PRKCH: variants seen among roughly 807,000 people sequenced by gnomAD.
PRKCH encodes protein kinase C eta, also known as protein kinase C eta type.
PRKCH carries 28 observed loss-of-function variants against 82.5 expected under a neutral mutation model. The ratio of observed to expected loss-of-function variants is 0.34; its 90% CI spans 0.25 to 0.47. The LOEUF (loss-of-function observed/expected upper bound fraction) is 0.47. PRKCH is among the 20% of genes least tolerant of loss of function. PRKCH has a pLI of 1.00. For synonymous variants in PRKCH, 322 were observed against 327.4 expected (o/e 0.98, Z 0.18); for missense variants, 705 against 881.8 (o/e 0.80, Z 2.54).
rs140504030 is a variant in PRKCH at position 61,485,974 on chromosome 14, C to T, written c.1433+318C>T. ...TAGAGACAGGGGTCTTGCAATGTTG[C>T]CCAGGCTTCACAAAGGTTCCAAGGA... On this transcript the variant is annotated intron_variant, in intron 10 of 13. Transcript: ENST00000332981. 2.0e-3 allele frequency among the ~76,000 whole-genome samples: 298 copies of T among 152,120 alleles called. 4 individuals carry two copies. The highest frequency in any genetic ancestry group is 6.8e-3 in the African/African-American group (281 of 41,528).
intron 9 of PRKCH, among the ~76,000 whole-genome samples, chr14:61,461,448 G>A (rs1885023386): frequency 6.6e-6 from 1 of 152,178 alleles, no homozygotes; most frequent in Non-Finnish European, 1.5e-5. Flanking sequence ...CATGAGTCAA[G>A]CCGCAGAGCC....
intron 10 of PRKCH, among the ~76,000 whole-genome samples, chr14:61,508,754 A>G (rs1887257605): frequency 6.6e-6 from 1 of 152,124 alleles, no homozygotes; most frequent in African/African-American, 2.4e-5. Flanking sequence ...GATGAAAAAC[A>G]TGGATAAGAT....
At chr14:61,444,439 T>C (rs10144353) in intron 3 of PRKCH, among the ~76,000 whole-genome samples, 110,786 of 152,002 alleles carry the variant, frequency 0.73, 45,608 homozygotes, top group Non-Finnish European at 0.91. Flanking sequence ...TTTCTGTTTC[T>C]TTTACATGAC....
intron 2 of PRKCH, among the ~76,000 whole-genome samples, chr14:61,441,304 C>T (rs1242444483): frequency 6.6e-6 from 1 of 152,036 alleles, no homozygotes; most frequent in Admixed American, 6.6e-5. Context: ...AAGAAGGGGC[C>T]ACCTGATTTC....
At chr14:61,531,483 A>C (rs1000952905) in intron 12 of PRKCH, among the ~76,000 whole-genome samples, 5 of 152,238 alleles carry the variant, frequency 3.3e-5, no homozygotes, top group Non-Finnish European at 5.9e-5. Context: ...AATATTTGCT[A>C]TCTTGTTGAA....
At chr14:61,362,964 G>A (rs999757789) in intron 1 of PRKCH, among the ~76,000 whole-genome samples, 3 of 152,206 alleles carry the variant, frequency 2.0e-5, no homozygotes, top group Admixed American at 6.5e-5. Context: ...GGAGGTTAGG[G>A]CAAGACTTCC....
chr14:61,489,471 C>T (rs1343387738), intron 10 of PRKCH, among the ~76,000 whole-genome samples: 1 of 152,218 alleles, frequency 6.6e-6, no homozygotes, highest in African/African-American at 2.4e-5. Flanking sequence ...GCACGCATTC[C>T]GTCTTGTGTT....
chr14:61,456,380 A>C (rs1036585309), intron 7 of PRKCH, among the ~76,000 whole-genome samples: 3 of 152,318 alleles, frequency 2.0e-5, no homozygotes, highest in Non-Finnish European at 4.4e-5. Context: ...AAAAGGGGAG[A>C]TGCCTCATCC....
At chr14:61,331,485 C>G (rs988121845) in intron 1 of PRKCH, among the ~76,000 whole-genome samples, 1 of 152,140 alleles carries the variant, frequency 6.6e-6, no homozygotes, top group Non-Finnish European at 1.5e-5. Context: ...CGAGCTGCTG[C>G]TCCTCAGCCT....
At chr14:61,486,466 G>T (rs553781556) in intron 10 of PRKCH, among the ~76,000 whole-genome samples, 19 of 152,084 alleles carry the variant, frequency 1.2e-4, no homozygotes, top group Non-Finnish European at 2.4e-4. Flanking sequence ...AATGGACTCC[G>T]AATCTGCTTG....
chr14:61,333,202 C>T (rs3783814), intron 1 of PRKCH, among the ~76,000 whole-genome samples: 81,729 of 152,100 alleles, frequency 0.54, 25,782 homozygotes, highest in Non-Finnish European at 0.69. Context: ...CCATCTAAAT[C>T]AGTGCTTTTG....
chr14:61,226,861 C>A (rs190384321), intron 1 of PRKCH, among the ~76,000 whole-genome samples: 5 of 152,244 alleles, frequency 3.3e-5, no homozygotes, highest in Non-Finnish European at 7.4e-5. Flanking sequence ...CCCACCACCC[C>A]CTTCCACTTC....
chr14:61,351,292 A>G (rs1028756), intron 1 of PRKCH, among the ~76,000 whole-genome samples: 16,633 of 152,134 alleles, frequency 0.11, 1,137 homozygotes, highest in African/African-American at 0.19. Context: ...ACATGTTTAT[A>G]AGTCTTCCTT....
chr14:61,394,089 T>A (rs896316720), intron 2 of PRKCH, among the ~76,000 whole-genome samples: 1 of 152,222 alleles, frequency 6.6e-6, no homozygotes, highest in East Asian at 1.9e-4. Context: ...ATTGGCATTT[T>A]GCAAAATTGG....
At chr14:61,483,244 T>A (rs1886063225) in intron 9 of PRKCH, among the ~76,000 whole-genome samples, 1 of 152,266 alleles carries the variant, frequency 6.6e-6, no homozygotes, top group Non-Finnish European at 1.5e-5. Context: ...CCGCCCAACC[T>A]GTTGCTAACC....
intron 1 of PRKCH, among the ~76,000 whole-genome samples, chr14:61,265,760 T>C (rs2045094333): frequency 6.6e-6 from 1 of 152,186 alleles, no homozygotes; most frequent in Middle Eastern, 3.4e-3. Flanking sequence ...TTGCTTAGGG[T>C]GAGACTGGGC....
At chr14:61,343,351 CAAAAAAAAAAAAAA>C (rs57154047) in intron 1 of PRKCH, among the ~76,000 whole-genome samples, 1 of 87,350 alleles carries the variant, frequency 1.1e-5, no homozygotes, top group Non-Finnish European at 2.2e-5. Context: ...CCAGTTCCCT[CAAAAAAAAAAAAAA>C]AAAAAAAAAA....
At chr14:61,455,940 A>C (rs1177403712) in intron 7 of PRKCH, among the ~76,000 whole-genome samples, 1 of 152,188 alleles carries the variant, frequency 6.6e-6, no homozygotes, top group Non-Finnish European at 1.5e-5. Flanking sequence ...AACTCTCATC[A>C]TGCTGGTGAG....
At chr14:61,426,706 T>C (rs1883127008) in intron 2 of PRKCH, among the ~76,000 whole-genome samples, 1 of 152,226 alleles carries the variant, frequency 6.6e-6, no homozygotes, top group Non-Finnish European at 1.5e-5. Context: ...TATTTTAAAA[T>C]GGTTTCTGTT....
Sources: allele counts gnomAD v4.1 joint callset (sites outside exome capture counted in the v4.1 genomes callset), GRCh38; gene constraint gnomAD v4.1.1; transcripts MANE v1.5; gene names NCBI Gene and HGNC (gene_info 2026-07-23, HGNC 2026-07-21).